FSIP2: variants seen among roughly 807,000 people sequenced by gnomAD.
The protein encoded by FSIP2 is fibrous sheath-interacting protein 2.
Under a neutral mutation model 510.5 loss-of-function variants are expected in FSIP2, and 367 were observed. The observed-to-expected ratio is 0.72, with a 90% CI of 0.66 to 0.78. FSIP2 has a LOEUF of 0.78. Among genes scored for constraint, FSIP2 ranks in the 30% least tolerant of loss-of-function variants. The probability of loss-of-function intolerance (pLI) is 0.00; values close to 1 mark genes in which losing one functional copy is unlikely to be tolerated. For missense variants in FSIP2, 7,594 were observed against 7,901.7 expected (o/e 0.96, Z 1.48); for synonymous variants, 2,601 against 2,732.2 (o/e 0.95, Z 1.50).
intron 9 of FSIP2, among the ~76,000 whole-genome samples, chr2:185,757,767 C>T (rs1692270820): frequency 1.3e-5 from 2 of 151,210 alleles, no homozygotes; most frequent in South Asian, 4.1e-4. Flanking sequence ...TTTTTTCATT[C>T]CCAGAAAAGA....
At position 185,782,701 on chromosome 2, in the gene FSIP2, A is replaced by G. The variant is rs1321890334; in HGVS notation, c.1412-4A>G. 2.0e-6 allele frequency: 3 copies of G among 1,504,570 alleles called. No individual in the cohort carries two copies. Among genetic ancestry groups the G allele is most frequent in the Admixed American group, 2.0e-5 (1 of 50,958 alleles). The allele number at this position is 1,504,570 out of a possible 1,614,324, so 93.2% of individuals were successfully genotyped here. A position where few individuals can be genotyped will look rare whatever the true frequency, so the allele number is the denominator to read the frequency against. On this transcript the variant is annotated splice_region_variant and splice_polypyrimidine_tract_variant and intron_variant, in intron 13 of 22. Coordinates refer to ENST00000424728, the MANE Select transcript of FSIP2 (RefSeq NM_173651.4). Reference sequence around the variant, plus strand: ...CTATGTAATTTTATTTTTCTGATAAATAGGACCTCAGGCTCATGCTACAGA... The same window carrying G: ...CTATGTAATTTTATTTTTCTGATAAGTAGGACCTCAGGCTCATGCTACAGA...
chr2:185,759,591 A>G (rs1692309684), intron 9 of FSIP2, among the ~76,000 whole-genome samples: 1 of 101,362 alleles, frequency 9.9e-6, no homozygotes, highest in Non-Finnish European at 2.1e-5. Flanking sequence ...TGATATAATT[A>G]TGATTACTAT....
At position 185,792,928 on chromosome 2, in the gene FSIP2, T is replaced by G; in HGVS notation, c.5792T>G (p.Phe1931Cys). The G allele has an allele frequency of 1.3e-6, 2 of 1,534,184 alleles. No individual in the cohort carries two copies. The highest frequency in any genetic ancestry group is 1.7e-6 in the Non-Finnish European group (2 of 1,145,600). The change falls in exon 16 of 23, where the codon TTT becomes TGT. Residue 1931 changes from phenylalanine to cysteine, a missense_variant. Transcript: ENST00000424728. Reference sequence around the variant, plus strand: ...GCAATATTAACAAATTTAGAAACTTTTGCTACTTCCAAAGTAAAATCTCTC... The same window carrying G: ...GCAATATTAACAAATTTAGAAACTTGTGCTACTTCCAAAGTAAAATCTCTC... ...VQAILTNLET[F>C]ATSKVKSLFY...
At chr2:185,768,531 G>T (rs1038006053) in intron 13 of FSIP2, among the ~76,000 whole-genome samples, 15 of 151,746 alleles carry the variant, frequency 9.9e-5, no homozygotes, top group Admixed American at 3.9e-4. Flanking sequence ...TTTCCCTATT[G>T]TTTCTTTTTT....
In FSIP2 at chr2:185,794,363, T is replaced by G; in HGVS notation, c.7227T>G (p.Ile2409Met). 1 of 1,516,656 alleles carries G rather than the reference T, an allele frequency of 6.6e-7. No homozygotes were observed. The highest frequency in any genetic ancestry group is 1.7e-4 in the Middle Eastern group (1 of 5,864). 93.9% of individuals were successfully genotyped at this position (1,516,656 alleles called of 1,614,324 possible). Reference protein sequence around the residue: ...MLDDKRSVKEICFNSKENSNF... With the variant: ...MLDDKRSVKEMCFNSKENSNF... ...ATGATAAAAGATCTGTAAAGGAAAT[T>G]TGTTTTAATTCAAAAGAAAATTCTA... is the stretch of plus-strand genomic sequence containing the variant. The change falls in exon 16 of 23, where the codon ATT becomes ATG. Residue 2409 changes from isoleucine (I) to methionine (M), a missense_variant. Ile to Met is a conservative substitution (Grantham distance 10, BLOSUM62 1). Coordinates refer to ENST00000424728, the MANE Select transcript of FSIP2 (RefSeq NM_173651.4).
intron 13 of FSIP2, among the ~76,000 whole-genome samples, chr2:185,775,564 C>T (rs1057184496): frequency 1.5e-4 from 23 of 152,246 alleles, no homozygotes; most frequent in African/African-American, 5.5e-4. Flanking sequence ...TTTTGTCAAG[C>T]AGGATTTTTT....
chr2:185,823,127 G>T (rs1222637881), intron 19 of FSIP2, among the ~76,000 whole-genome samples: 1 of 151,746 alleles, frequency 6.6e-6, no homozygotes, highest in Non-Finnish European at 1.5e-5. Context: ...TGGGAAAAAG[G>T]CTTCTTGACA....
chr2:185,785,455 A>C lies in FSIP2; in HGVS notation c.1470-797A>C, dbSNP rs1692949990. On this transcript the variant is annotated intron_variant, in intron 14 of 22. Coordinates refer to ENST00000424728, the MANE Select transcript of FSIP2 (RefSeq NM_173651.4). ...GGGAAATGTAAATTTGATCATGTAG[A>C]GTGCAGGCCTAGAAAGGAGTGCCAA... Among the ~76,000 whole-genome samples, 6 of 152,072 alleles carry C rather than the reference A, an allele frequency of 3.9e-5. No homozygotes were observed. In the South Asian group the frequency reaches 1.2e-3, roughly 31 times the overall value.
chr2:185,797,808 C>A (rs1693327843), intron 16 of FSIP2: 1 of 277,372 alleles, frequency 3.6e-6, no homozygotes, highest in South Asian at 5.4e-5. Context: ...CCCATCTCAG[C>A]CTTCCCCCAA....
chr2:185,805,634 A>G lies in FSIP2; in HGVS notation c.16328A>G (p.Asp5443Gly). Residue 5443 changes from aspartate to glycine, a missense_variant, in exon 17 of 23, where the codon GAT becomes GGT. Physicochemically the swap from Asp to Gly is moderately conservative, Grantham distance 94. Transcript: ENST00000424728. ...AAAGAGAACCAACTTTCTTTACCAG[A>G]TCAATCATATAAAGATACTTCTTCC... ...CAKENQLSLPDQSYKDTSSTP... is the reference protein window; with the variant it reads ...CAKENQLSLPGQSYKDTSSTP... 1 of 1,609,666 alleles carries G rather than the reference A, an allele frequency of 6.2e-7. No individual in the cohort carries two copies. The highest frequency in any genetic ancestry group is 8.5e-7 in the Non-Finnish European group (1 of 1,178,170).
chr2:185,780,847 A>T (rs751302403), intron 13 of FSIP2, among the ~76,000 whole-genome samples: 2 of 152,186 alleles, frequency 1.3e-5, no homozygotes, highest in African/African-American at 4.8e-5. Context: ...GCTGCCAGTT[A>T]TCTGTAAGAG....
In FSIP2 at chr2:185,788,947, C is replaced by A. The variant is rs1693051003; in HGVS notation, c.1811C>A (p.Ala604Glu). The A allele has an allele frequency of 2.6e-6, 4 of 1,534,816 alleles. No homozygotes were observed. In the African/African-American group the frequency reaches 4.1e-5, roughly 16 times the overall value. ...RPTTPIKPPP[A>E]HVEKTVVGKT... ...ACCACACCTATAAAACCTCCTCCTG[C>A]ACATGTGGAAAAAACAGTTGTGGGG... The change falls in exon 16 of 23, where the codon GCA becomes GAA. Residue 604 changes from alanine (A) to glutamate (E), a missense_variant. Transcript: ENST00000424728.
In FSIP2 at chr2:185,790,276, GA is replaced by G; in HGVS notation, c.3143del (p.Asn1048IlefsTer21). On this transcript the variant is annotated frameshift_variant, in exon 16 of 23. Transcript: ENST00000424728. LOFTEE classifies it high-confidence loss of function. ...TKGNTCFECK[R>X]NIKPPTKPGS... ...GGAAACACTTGTTTTGAATGCAAAA[GA>G]AATATCAAACCACCTACAAAGCCTG... 6.5e-7 allele frequency: 1 copy of G among 1,533,462 alleles called. No homozygotes were observed. The highest frequency in any genetic ancestry group is 1.4e-5 in the African/African-American group (1 of 73,006). 95.0% of individuals were successfully genotyped at this position (1,533,462 alleles called of 1,614,324 possible). A position where few individuals can be genotyped will look rare whatever the true frequency, so the allele number is the denominator to read the frequency against.
At chr2:185,773,881 A>G (rs1253446680) in intron 13 of FSIP2, among the ~76,000 whole-genome samples, 1 of 152,166 alleles carries the variant, frequency 6.6e-6, no homozygotes, top group Non-Finnish European at 1.5e-5. Flanking sequence ...CTGCTTTTAA[A>G]GATTGGAGAA....
At chr2:185,822,686 T>G (rs1574208189) in intron 19 of FSIP2, among the ~76,000 whole-genome samples, 1 of 151,886 alleles carries the variant, frequency 6.6e-6, no homozygotes, top group Non-Finnish European at 1.5e-5. Context: ...CCAATAATTT[T>G]TTTTTGCAGA....
At chr2:185,748,903 G>T (rs896722035) in intron 7 of FSIP2, among the ~76,000 whole-genome samples, 1 of 151,998 alleles carries the variant, frequency 6.6e-6, no homozygotes, top group Non-Finnish European at 1.5e-5. Context: ...ATTATGTCAT[G>T]ATTTTCAGAT....
intron 19 of FSIP2, among the ~76,000 whole-genome samples, chr2:185,822,191 C>T (rs556503786): frequency 6.6e-6 from 1 of 151,940 alleles, no homozygotes; most frequent in South Asian, 2.1e-4. Flanking sequence ...TTTGCCACTT[C>T]TATTTAACAT....
rs1693592364 is a variant in FSIP2 at position 185,806,805 on chromosome 2, T to C, written c.17499T>C (p.Asn5833=). The C allele has an allele frequency of 1.3e-5, 21 of 1,611,632 alleles. No homozygotes were observed. Among genetic ancestry groups the C allele is most frequent in the Non-Finnish European group, 1.8e-5 (21 of 1,178,684 alleles). The change falls in exon 17 of 23, where the codon AAT becomes AAC. Residue 5833 remains asparagine (N), a synonymous_variant. Coordinates refer to ENST00000424728, the MANE Select transcript of FSIP2 (RefSeq NM_173651.4). ...KLYDTAMKLI[N]SLLKEFSDAQ... ...ATGACACTGCTATGAAACTCATCAATTCACTGTTAAAGGAGTTCTCAGATG... is the reference window on the plus strand; with the variant it reads ...ATGACACTGCTATGAAACTCATCAACTCACTGTTAAAGGAGTTCTCAGATG...
At chr2:185,785,062 A>G (rs888205851) in intron 14 of FSIP2, among the ~76,000 whole-genome samples, 1 of 152,090 alleles carries the variant, frequency 6.6e-6, no homozygotes, top group African/African-American at 2.4e-5. Context: ...ACTGCTACCA[A>G]TGAATACATA....
Sources: gnomAD v4.1 joint callset for allele counts (sites outside exome capture counted in the v4.1 genomes callset) on GRCh38, gnomAD v4.1.1 for gene constraint, MANE v1.5 for transcripts, NCBI Gene and HGNC (gene_info 2026-07-23, HGNC 2026-07-21) for gene names.